Variants in ZNF475 observed in about 807,000 individuals in gnomAD.
The protein encoded by ZNF475 is zinc finger protein 475.
the ZNF475 span, chr5:122,182,552 G>T: frequency 1.3e-6 from 2 of 1,535,012 alleles, no homozygotes; most frequent in Non-Finnish European, 8.7e-7. Flanking sequence ...CCCACAGCCA[G>T]TTGGTTCCCT....
chr5:122,181,313 T>C, the ZNF475 span, among the ~76,000 whole-genome samples: 1 of 152,226 alleles, frequency 6.6e-6, no homozygotes, highest in East Asian at 1.9e-4. Context: ...TTTAGAAATG[T>C]GGTGAATCAC....
the ZNF475 span, among the ~76,000 whole-genome samples, chr5:122,166,313 T>C: frequency 6.6e-6 from 1 of 152,210 alleles, no homozygotes; most frequent in Non-Finnish European, 1.5e-5. Context: ...GTGCCTCATA[T>C]GTTGGAAGAT....
At chr5:122,170,872 G>A in the ZNF475 span, among the ~76,000 whole-genome samples, 1 of 151,958 alleles carries the variant, frequency 6.6e-6, no homozygotes, top group African/African-American at 2.4e-5. Context: ...TCACTCCCGG[G>A]GATTCCAAAA....
the ZNF475 span, among the ~76,000 whole-genome samples, chr5:122,181,041 G>A: frequency 6.6e-6 from 1 of 152,024 alleles, no homozygotes; most frequent in African/African-American, 2.4e-5. Flanking sequence ...ACTACCAGCA[G>A]GCTAGAAGTA....
the ZNF475 span, among the ~76,000 whole-genome samples, chr5:122,166,729 A>G: frequency 1.3e-5 from 2 of 152,220 alleles, no homozygotes; most frequent in East Asian, 3.8e-4. Context: ...TACTTAATCC[A>G]GTCTATCGTT....
chr5:122,182,460 T>C, the ZNF475 span: 1 of 1,445,870 alleles, frequency 6.9e-7, no homozygotes, highest in African/African-American at 1.4e-5. Context: ...TTTTCTTTTT[T>C]TCTTTTTGCT....
At chr5:122,182,581 C>T in the ZNF475 span, 3 of 1,535,476 alleles carry the variant, frequency 2.0e-6, no homozygotes, top group Non-Finnish European at 2.6e-6. Context: ...TGTGGGCGTA[C>T]CTTCCTGCCA....
the ZNF475 span, among the ~76,000 whole-genome samples, chr5:122,166,496 C>A: frequency 6.6e-6 from 1 of 152,134 alleles, no homozygotes; most frequent in Non-Finnish European, 1.5e-5. Context: ...CTCCCCCTCC[C>A]CCAATCCCAC....
chr5:122,173,405 G>C, the ZNF475 span, among the ~76,000 whole-genome samples: 1 of 151,904 alleles, frequency 6.6e-6, no homozygotes, highest in South Asian at 2.1e-4. Flanking sequence ...CTCTTTTCTT[G>C]GTCCTTAATC....
the ZNF475 span, among the ~76,000 whole-genome samples, chr5:122,174,577 A>G: frequency 6.6e-6 from 1 of 152,188 alleles, no homozygotes; most frequent in African/African-American, 2.4e-5. Context: ...TGTAATATAG[A>G]ACATCTTCAC....
chr5:122,172,960 G>T, the ZNF475 span, among the ~76,000 whole-genome samples: 1 of 152,154 alleles, frequency 6.6e-6, no homozygotes, highest in Non-Finnish European at 1.5e-5. Flanking sequence ...GTGAACCCGG[G>T]AGGCAGAGCT....
At chr5:122,166,451 T>C in the ZNF475 span, among the ~76,000 whole-genome samples, 3 of 152,180 alleles carry the variant, frequency 2.0e-5, no homozygotes, top group Admixed American at 1.3e-4. Context: ...ACCCATTAAC[T>C]CGTCATTTAT....
chr5:122,181,425 G>T, the ZNF475 span, among the ~76,000 whole-genome samples: 1 of 152,088 alleles, frequency 6.6e-6, no homozygotes, highest in Non-Finnish European at 1.5e-5. Context: ...ATTTTTCAAA[G>T]CACTGAAACT....
the ZNF475 span, among the ~76,000 whole-genome samples, chr5:122,167,519 A>G: frequency 8.5e-5 from 13 of 152,340 alleles, no homozygotes; most frequent in East Asian, 2.5e-3. Flanking sequence ...AAAAATAACT[A>G]AAATACATTA....
chr5:122,168,959 G>C, the ZNF475 span, among the ~76,000 whole-genome samples: 1 of 152,140 alleles, frequency 6.6e-6, no homozygotes, highest in Admixed American at 6.5e-5. Context: ...TCTGGGATCT[G>C]GACCAAGGTG....
the ZNF475 span, among the ~76,000 whole-genome samples, chr5:122,171,885 C>T: frequency 1.6e-4 from 25 of 152,112 alleles, no homozygotes; most frequent in South Asian, 3.7e-3. Flanking sequence ...ACTATAGGCA[C>T]GTGCTACCAT....
the ZNF475 span, among the ~76,000 whole-genome samples, chr5:122,172,061 T>C: frequency 6.6e-6 from 1 of 152,338 alleles, no homozygotes; most frequent in East Asian, 1.9e-4. Flanking sequence ...ATTTCTATAG[T>C]TATATTGCCT....
the ZNF475 span, among the ~76,000 whole-genome samples, chr5:122,182,314 G>A: frequency 6.6e-6 from 1 of 152,146 alleles, no homozygotes; most frequent in Non-Finnish European, 1.5e-5. Context: ...GGAGGCAAAA[G>A]TAATATGATT....
chr5:122,179,698 T>C, the ZNF475 span: 9 of 1,526,624 alleles, frequency 5.9e-6, no homozygotes, highest in African/African-American at 2.8e-5. Context: ...AGGAGACCAG[T>C]ACCTAAAAAA....
Sources: allele counts gnomAD v4.1 joint callset (sites outside exome capture counted in the v4.1 genomes callset), GRCh38; gene constraint gnomAD v4.1.1; transcripts MANE v1.5; gene names NCBI Gene and HGNC (gene_info 2026-07-23, HGNC 2026-07-21).